Variants in LMBR1 observed in about 807,000 individuals in gnomAD.
LMBR1 encodes limb region 1 protein homolog.
LMBR1 carries 52 observed loss-of-function variants against 73.9 expected under a neutral mutation model. That is an observed-to-expected ratio of 0.70 (90% confidence interval 0.56 to 0.89). The LOEUF (loss-of-function observed/expected upper bound fraction) is 0.89. Ranked by LOEUF, LMBR1 falls within the 40% of genes least tolerant of loss-of-function variation. The pLI is 0.00. For synonymous variants in LMBR1, 215 were observed against 209.4 expected (o/e 1.03, Z -0.23); for missense variants, 539 against 579.8 (o/e 0.93, Z 0.72).
chr7:156,714,282 T>C (rs1178924298), intron 15 of LMBR1, among the ~76,000 whole-genome samples: 1 of 152,246 alleles, frequency 6.6e-6, no homozygotes, highest in African/African-American at 2.4e-5. Context: ...CCAAGTGTTA[T>C]ATGAGAGTGC....
intron 2 of LMBR1, 55 bp downstream of exon 2, chr7:156,836,758 T>G: frequency 2.6e-6 from 3 of 1,133,256 alleles, no homozygotes; most frequent in Non-Finnish European, 3.9e-6. Context: ...TTATATACCA[T>G]GCCTAGACCA....
At chr7:156,863,090 A>T (rs894692631) in intron 1 of LMBR1, among the ~76,000 whole-genome samples, 1 of 152,304 alleles carries the variant, frequency 6.6e-6, no homozygotes, top group African/African-American at 2.4e-5. Context: ...CTCTAGAGGA[A>T]CAGAACTAAT....
chr7:156,818,828 A>AT (rs1225366817), intron 4 of LMBR1, among the ~76,000 whole-genome samples: 1 of 152,176 alleles, frequency 6.6e-6, no homozygotes, highest in African/African-American at 2.4e-5. Context: ...TGGATACTTT[A>AT]TTTTTTCGGT....
chr7:156,865,844 C>T (rs762686355), intron 1 of LMBR1, among the ~76,000 whole-genome samples: 10 of 151,994 alleles, frequency 6.6e-5, no homozygotes, highest in African/African-American at 2.4e-4. Flanking sequence ...GGGGAAATAG[C>T]CTTTTTAACA....
intron 4 of LMBR1, among the ~76,000 whole-genome samples, chr7:156,799,624 G>A (rs770434105): frequency 7.2e-5 from 11 of 152,136 alleles, no homozygotes; most frequent in Non-Finnish European, 1.5e-4. Flanking sequence ...AGTAGGCCAT[G>A]TAATAATCCT....
rs967345743 is a variant in LMBR1, at chr7:156,862,881, G to C, written c.67-25996C>G. 5.3e-5 allele frequency among the ~76,000 whole-genome samples: 8 copies of C among 152,224 alleles called. No homozygotes were observed. In the South Asian group the frequency reaches 1.0e-3, roughly 20 times the overall value. On this transcript the variant is annotated intron_variant, in intron 1 of 16. Transcript: ENST00000353442. ...CTCATATTCAAACATCAGCTCTTCC[G>C]GGGCCTTGAGACTGTTGGACTAGGA...
At chr7:156,892,857 G>A (rs1473265536) in intron 1 of LMBR1, 71 bp downstream of exon 1, 1 of 1,238,156 alleles carries the variant, frequency 8.1e-7, no homozygotes, top group Non-Finnish European at 1.1e-6. Context: ...GGGGACCGGG[G>A]GCCCGGGGGC....
chr7:156,725,608 A>T, intron 13 of LMBR1, 83 bp from the exon 14 acceptor site: 1 of 1,242,586 alleles, frequency 8.0e-7, no homozygotes, highest in Non-Finnish European at 1.1e-6. Flanking sequence ...CTTAAGGCCC[A>T]TAGGAAAAGC....
rs112558407 is a variant in LMBR1, at chr7:156,789,114, C to T, written c.423+7275G>A. 1.0e-3 allele frequency among the ~76,000 whole-genome samples: 154 copies of T among 152,182 alleles called. 1 individual carries two copies. Among genetic ancestry groups the T allele is most frequent in the Middle Eastern group, 3.4e-3 (1 of 294 alleles). Reference sequence around the variant, plus strand: ...TAAAATTTCTTCTTCCTCTGTGCTACGAATAGAATAAATGTTTTCCATAAA... The same window carrying T: ...TAAAATTTCTTCTTCCTCTGTGCTATGAATAGAATAAATGTTTTCCATAAA... On this transcript the variant is annotated intron_variant, in intron 5 of 16. Coordinates refer to ENST00000353442, the MANE Select transcript of LMBR1 (RefSeq NM_022458.4).
intron 5 of LMBR1, among the ~76,000 whole-genome samples, chr7:156,786,417 T>C (rs191377979): frequency 8.5e-5 from 13 of 152,312 alleles, no homozygotes; most frequent in Admixed American, 4.6e-4. Flanking sequence ...GGTAACGTTA[T>C]TGTATAAATT....
At chr7:156,861,848 C>T (rs1296041909) in intron 1 of LMBR1, among the ~76,000 whole-genome samples, 2 of 152,148 alleles carry the variant, frequency 1.3e-5, no homozygotes, top group Non-Finnish European at 2.9e-5. Context: ...TCCTCTCCAT[C>T]TGAGACCACC....
At chr7:156,690,434 G>C (rs1005578823) in intron 15 of LMBR1, among the ~76,000 whole-genome samples, 4 of 152,218 alleles carry the variant, frequency 2.6e-5, no homozygotes, top group Non-Finnish European at 5.9e-5. Flanking sequence ...TACATGGCCT[G>C]TGTCCTACGT....
chr7:156,874,573 C>T (rs1228360381), intron 1 of LMBR1, among the ~76,000 whole-genome samples: 2 of 152,236 alleles, frequency 1.3e-5, no homozygotes, highest in Non-Finnish European at 2.9e-5. Context: ...CTCACAAATG[C>T]TGTGCAGTTA....
intron 15 of LMBR1, among the ~76,000 whole-genome samples, chr7:156,713,751 G>A (rs1266563331): frequency 1.3e-5 from 2 of 152,084 alleles, no homozygotes; most frequent in African/African-American, 4.8e-5. Context: ...TTAAACATGT[G>A]CAGTTTATTG....
chr7:156,805,064 T>C (rs995461393), intron 4 of LMBR1, among the ~76,000 whole-genome samples: 3 of 152,092 alleles, frequency 2.0e-5, no homozygotes, highest in African/African-American at 7.2e-5. Flanking sequence ...AAAAAATTGT[T>C]CTAGCACCAT....
intron 8 of LMBR1, among the ~76,000 whole-genome samples, chr7:156,760,027 G>T (rs1563294915): frequency 6.6e-6 from 1 of 152,124 alleles, no homozygotes; most frequent in African/African-American, 2.4e-5. Context: ...AGGTGACCAG[G>T]GGTGACTCAG....
At chr7:156,802,214 C>T (rs965378568) in intron 4 of LMBR1, among the ~76,000 whole-genome samples, 1 of 152,196 alleles carries the variant, frequency 6.6e-6, no homozygotes, top group Non-Finnish European at 1.5e-5. Context: ...AACCCCTGAC[C>T]TCAGGTGATC....
chr7:156,728,639 C>A lies in LMBR1; in HGVS notation c.915+5G>T. On this transcript the variant is annotated splice_donor_5th_base_variant and intron_variant, in intron 11 of 16. Coordinates refer to ENST00000353442, the MANE Select transcript of LMBR1 (RefSeq NM_022458.4). The stretch of plus-strand genomic sequence containing the variant: ...TTTTATTTAACTAGGCAAATAAATT[C>A]TTACTGTCTCAATAAGAAGGAGAAC... 1 of 1,578,588 alleles carries A rather than the reference C, an allele frequency of 6.3e-7. No homozygotes were observed.
chr7:156,832,114 G>T (rs1343899165), intron 3 of LMBR1, among the ~76,000 whole-genome samples: 3 of 152,174 alleles, frequency 2.0e-5, no homozygotes, highest in Non-Finnish European at 4.4e-5. Context: ...ATCAAGTTTT[G>T]GGCCTAGGTT....
Sources: gnomAD v4.1 joint callset for allele counts (sites outside exome capture counted in the v4.1 genomes callset) on GRCh38, gnomAD v4.1.1 for gene constraint, MANE v1.5 for transcripts, NCBI Gene and HGNC (gene_info 2026-07-23, HGNC 2026-07-21) for gene names.